The following ABCA13 variants were observed in gnomAD, a reference collection of about 807,000 sequenced individuals.
The protein encoded by ABCA13 is ATP-binding cassette sub-family A member 13.
ABCA13 carries 476 observed loss-of-function variants against 478.7 expected under a neutral mutation model. The observed-to-expected ratio is 0.99, with a 90% confidence interval of 0.92 to 1.07. The LOEUF is 1.07. Ranked by LOEUF, ABCA13 falls within the 50% of genes least tolerant of loss-of-function variation. The probability of loss-of-function intolerance (pLI) is 0.00; values close to 1 mark genes in which losing one functional copy is unlikely to be tolerated. For missense variants in ABCA13, 6,060 were observed against 5,910.6 expected (o/e 1.03, Z -0.83); for synonymous variants, 2,252 against 2,158.9 (o/e 1.04, Z -1.20).
At chr7:48,514,254 CTG>C (rs1175456348) in intron 51 of ABCA13, among the ~76,000 whole-genome samples, 1 of 152,112 alleles carries the variant, frequency 6.6e-6, no homozygotes. Flanking sequence ...ATCATGTTCT[CTG>C]TGAGGTAGCT....
Position 48,352,335 on chromosome 7 carries a change from T to A in ABCA13, c.10536T>A (p.Asn3512Lys). 2 of 1,613,812 alleles carry A rather than the reference T, an allele frequency of 1.2e-6. No homozygotes were observed. The highest frequency in any genetic ancestry group is 1.7e-4 in the Middle Eastern group (1 of 6,060). ...KNPSWKFHPQ[N>K]LPADGFKYNY... ...CTTCTTGGAAGTTCCACCCTCAGAATCTACCAGCTGATGGGTTCAAATATA... is the reference window on the plus strand; with the variant it reads ...CTTCTTGGAAGTTCCACCCTCAGAAACTACCAGCTGATGGGTTCAAATATA... Residue 3512 changes from asparagine to lysine, a missense_variant, in exon 31 of 62, where the codon AAT (asparagine) becomes AAA (lysine). Transcript: ENST00000435803.
At chr7:48,197,081 G>C (rs1197969638) in intron 2 of ABCA13, among the ~76,000 whole-genome samples, 1 of 152,214 alleles carries the variant, frequency 6.6e-6, no homozygotes, top group Non-Finnish European at 1.5e-5. Context: ...TTATTTATCT[G>C]TCCCAGTAAA....
At chr7:48,197,280 A>AT (rs1189498655) in intron 2 of ABCA13, among the ~76,000 whole-genome samples, 2 of 152,170 alleles carry the variant, frequency 1.3e-5, no homozygotes, top group Non-Finnish European at 2.9e-5. Context: ...GAAAGACAAG[A>AT]AGCGGTCACA....
intron 42 of ABCA13, among the ~76,000 whole-genome samples, chr7:48,441,010 A>G (rs547868198): frequency 2.6e-5 from 4 of 152,346 alleles, no homozygotes; most frequent in Admixed American, 1.3e-4. Flanking sequence ...ATATTATTTA[A>G]GAATCAATTT....
intron 15 of ABCA13, among the ~76,000 whole-genome samples, chr7:48,253,696 C>T (rs1379853326): frequency 6.6e-6 from 1 of 152,266 alleles, no homozygotes. Flanking sequence ...GTTGCCCAGG[C>T]TGGTCCCAAA....
At chr7:48,614,904 AG>A in intron 58 of ABCA13, among the ~76,000 whole-genome samples, 1 of 97,154 alleles carries the variant, frequency 1.0e-5, no homozygotes, top group Non-Finnish European at 2.0e-5. Flanking sequence ...GGGAGGGGGG[AG>A]GGATAACATT....
At chr7:48,245,134 G>C (rs946382682) in intron 11 of ABCA13, among the ~76,000 whole-genome samples, 8 of 152,104 alleles carry the variant, frequency 5.3e-5, no homozygotes, top group African/African-American at 1.9e-4. Flanking sequence ...GTTCCCCCTG[G>C]GTTTGCAGAA....
intron 8 of ABCA13, among the ~76,000 whole-genome samples, chr7:48,234,474 G>A (rs1304976291): frequency 6.6e-6 from 1 of 152,184 alleles, no homozygotes; most frequent in African/African-American, 2.4e-5. Flanking sequence ...CGCTAGTGGG[G>A]TCCAGGTAGG....
intron 31 of ABCA13, among the ~76,000 whole-genome samples, chr7:48,357,090 T>C (rs1810046876): frequency 6.6e-6 from 1 of 151,880 alleles, no homozygotes; most frequent in Non-Finnish European, 1.5e-5. Flanking sequence ...AGGCGTTGCA[T>C]CTGGACTTTG....
intron 27 of ABCA13, among the ~76,000 whole-genome samples, chr7:48,332,266 G>T (rs571740339): frequency 6.6e-6 from 1 of 152,180 alleles, no homozygotes; most frequent in East Asian, 1.9e-4. Context: ...ATGATTTTAG[G>T]ATACCCATTC....
chr7:48,476,504 A>G (rs949042182), intron 45 of ABCA13, among the ~76,000 whole-genome samples: 7 of 150,454 alleles, frequency 4.7e-5, no homozygotes, highest in Non-Finnish European at 1.0e-4. Context: ...GGAATGCAGA[A>G]GAGGCAGGGG....
chr7:48,619,995 G>A (rs1792976241), intron 59 of ABCA13, among the ~76,000 whole-genome samples: 2 of 152,174 alleles, frequency 1.3e-5, no homozygotes, highest in South Asian at 2.1e-4. Context: ...AAAGGCAGGA[G>A]CACTTGTTCT....
intron 3 of ABCA13, among the ~76,000 whole-genome samples, chr7:48,206,884 G>A (rs1785001271): frequency 6.6e-6 from 1 of 151,920 alleles, no homozygotes; most frequent in Non-Finnish European, 1.5e-5. Context: ...TCATCCCAGT[G>A]TGCTACTCAA....
chr7:48,559,116 G>C (rs1585805824), intron 55 of ABCA13, among the ~76,000 whole-genome samples: 2 of 152,254 alleles, frequency 1.3e-5, no homozygotes, highest in South Asian at 4.1e-4. Flanking sequence ...TTCCCTTCAG[G>C]GGGTGAGTTC....
intron 7 of ABCA13, among the ~76,000 whole-genome samples, chr7:48,232,676 A>G (rs1789330021): frequency 1.3e-5 from 2 of 152,220 alleles, no homozygotes; most frequent in South Asian, 4.1e-4. Flanking sequence ...TTGTTTAGCA[A>G]CAAATTTCTG....
chr7:48,410,524 T>C lies in ABCA13; in HGVS notation c.12075T>C (p.Arg4025=), dbSNP rs748518870. The C allele has an allele frequency of 6.2e-7, 1 of 1,614,036 alleles. No homozygotes were observed. The highest frequency in any genetic ancestry group is 8.5e-7 in the Non-Finnish European group (1 of 1,179,892). ...GCACCCTGTGCTTGGACCCAGGTCG[T>C]ACGATCATCTTCACAACCCACCACC... The part of the protein sequence containing the change: ...WDILLKYREG[R]TIIFTTHHLD... The change falls in exon 40 of 62, where the codon CGT becomes CGC. Residue 4025 remains arginine (R), a synonymous_variant. Transcript: ENST00000435803.
chr7:48,192,033 C>T (rs1210747997), intron 1 of ABCA13, among the ~76,000 whole-genome samples: 2 of 152,160 alleles, frequency 1.3e-5, no homozygotes, highest in African/African-American at 4.8e-5. Context: ...TACTTTTTGT[C>T]TGGCTATAAA....
chr7:48,526,541 A>T (rs1832901517), intron 54 of ABCA13, among the ~76,000 whole-genome samples: 2 of 152,170 alleles, frequency 1.3e-5, no homozygotes, highest in South Asian at 4.1e-4. Flanking sequence ...TGTCTGAGAA[A>T]TGTGTCATTA....
intron 46 of ABCA13, among the ~76,000 whole-genome samples, chr7:48,482,118 A>T (rs1397458358): frequency 1.3e-5 from 2 of 152,180 alleles, no homozygotes; most frequent in African/African-American, 4.8e-5. Flanking sequence ...GAGATATTAA[A>T]AAAAGATATA....
Sources: gnomAD v4.1 joint callset for allele counts (sites outside exome capture counted in the v4.1 genomes callset) on GRCh38, gnomAD v4.1.1 for gene constraint, MANE v1.5 for transcripts, NCBI Gene and HGNC (gene_info 2026-07-23, HGNC 2026-07-21) for gene names.